MRAP2: variants seen among roughly 807,000 people sequenced by gnomAD.
MRAP2 encodes the protein melanocortin-2 receptor accessory protein 2.
In MRAP2, 20 loss-of-function variants were observed where a neutral mutation model predicts 17.4. The observed-to-expected ratio is 1.15, with a 90% CI of 0.81 to 1.67. The LOEUF (loss-of-function observed/expected upper bound fraction) is 1.67. MRAP2 is among the 40% of genes most tolerant of loss of function. MRAP2 has a pLI of 0.00. For synonymous variants in MRAP2, 96 were observed against 88.4 expected (o/e 1.09, Z -0.48); for missense variants, 238 against 240.0 (o/e 0.99, Z 0.05).
intron 1 of MRAP2, among the ~76,000 whole-genome samples, chr6:84,034,121 G>C (rs1464603367): frequency 6.6e-6 from 1 of 152,012 alleles, no homozygotes; most frequent in African/African-American, 2.4e-5. Flanking sequence ...GCTGATGTGC[G>C]TGTGGACGCC....
At chr6:84,065,914 C>T (rs1319888739) in intron 3 of MRAP2, among the ~76,000 whole-genome samples, 1 of 152,126 alleles carries the variant, frequency 6.6e-6, no homozygotes, top group Non-Finnish European at 1.5e-5. Flanking sequence ...TGGACTGTCT[C>T]CACCCTGCCA....
In MRAP2 at chr6:84,065,490, TG is replaced by T. The variant is rs2099494445; in HGVS notation, c.227+2501del. ...GCCCAGCGAATTTGAAAATATGGTGTGGGTTACAAGAGGGTTAAGAAAAGCC... is the reference window on the plus strand; with the variant it reads ...GCCCAGCGAATTTGAAAATATGGTGTGGTTACAAGAGGGTTAAGAAAAGCC... On this transcript the variant is annotated intron_variant, in intron 3 of 3. Transcript: ENST00000257776. 2.6e-5 allele frequency among the ~76,000 whole-genome samples: 4 copies of T among 152,138 alleles called. No individual in the cohort carries two copies. In the South Asian group the frequency reaches 8.3e-4, roughly 32 times the overall value.
chr6:84,112,592 G>A, the MRAP2 span, among the ~76,000 whole-genome samples: 8 of 151,936 alleles, frequency 5.3e-5, no homozygotes, highest in African/African-American at 1.9e-4. Flanking sequence ...GATTTTTTAT[G>A]TCTCTGTCTT....
chr6:84,052,049 A>G (rs967144400), intron 1 of MRAP2, among the ~76,000 whole-genome samples: 2 of 152,208 alleles, frequency 1.3e-5, no homozygotes, highest in Non-Finnish European at 2.9e-5. Flanking sequence ...TGATGCTTTC[A>G]GCTGTTCAAA....
chr6:84,042,311 G>T lies in MRAP2; in HGVS notation c.-8+8428G>T, dbSNP rs565820929. Among the ~76,000 whole-genome samples, 339 of 152,188 alleles carry T rather than the reference G, an allele frequency of 2.2e-3. 14 individuals are homozygous for T. The South Asian group carries it at 0.065, about 29-fold the overall frequency. ...TTCTTTATAAATTACCCAGTCTCAG[G>T]TATGTCTTTATTAGCAGTATGAGAA... On this transcript the variant is annotated intron_variant, in intron 1 of 3. Coordinates refer to ENST00000257776, the MANE Select transcript of MRAP2 (RefSeq NM_138409.4).
the MRAP2 span, among the ~76,000 whole-genome samples, chr6:84,127,080 T>C: frequency 6.6e-6 from 1 of 152,142 alleles, no homozygotes; most frequent in Admixed American, 6.6e-5. Context: ...TCTTAGGACC[T>C]GGGGATCCAG....
chr6:84,123,104 G>A, the MRAP2 span, among the ~76,000 whole-genome samples: 1 of 152,124 alleles, frequency 6.6e-6, no homozygotes, highest in South Asian at 2.1e-4. Context: ...TACATCCCAT[G>A]CTTATGAACT....
At chr6:84,043,429 A>G (rs1367542264) in intron 1 of MRAP2, among the ~76,000 whole-genome samples, 1 of 152,216 alleles carries the variant, frequency 6.6e-6, no homozygotes, top group African/African-American at 2.4e-5. Context: ...AGGAGGTAGT[A>G]TCTGATCCCT....
chr6:84,040,953 A>T (rs955065510), intron 1 of MRAP2, among the ~76,000 whole-genome samples: 1 of 152,232 alleles, frequency 6.6e-6, no homozygotes, highest in Admixed American at 6.5e-5. Context: ...TTGATTGCCA[A>T]GACAAAGGGG....
chr6:84,064,252 C>G (rs963013459), intron 3 of MRAP2, among the ~76,000 whole-genome samples: 1 of 151,158 alleles, frequency 6.6e-6, no homozygotes, highest in Non-Finnish European at 1.5e-5. Flanking sequence ...CTGAGGGACA[C>G]AGCTAATCCA....
At chr6:84,075,404 G>T (rs1208435351) in intron 3 of MRAP2, among the ~76,000 whole-genome samples, 1 of 152,176 alleles carries the variant, frequency 6.6e-6, no homozygotes, top group African/African-American at 2.4e-5. Flanking sequence ...GGCCTAAGAG[G>T]CAGCTTTGAT....
At chr6:84,035,689 C>T (rs2099485786) in intron 1 of MRAP2, among the ~76,000 whole-genome samples, 1 of 152,118 alleles carries the variant, frequency 6.6e-6, no homozygotes. Context: ...TAGCTGCCCC[C>T]TTTCAGCCTT....
chr6:84,037,572 C>T (rs2099486455), intron 1 of MRAP2, among the ~76,000 whole-genome samples: 2 of 151,902 alleles, frequency 1.3e-5, no homozygotes, highest in Non-Finnish European at 2.9e-5. Flanking sequence ...GAGCCCACCA[C>T]GGGGTGGGGG....
chr6:84,088,644 G>A (rs893729446), intron 3 of MRAP2, among the ~76,000 whole-genome samples: 7 of 152,170 alleles, frequency 4.6e-5, no homozygotes, highest in African/African-American at 1.7e-4. Context: ...TTTTAGGCCG[G>A]TGGTTCTAAA....
At chr6:84,117,634 G>C in the MRAP2 span, among the ~76,000 whole-genome samples, 15 of 148,948 alleles carry the variant, frequency 1.0e-4, no homozygotes, top group Non-Finnish European at 1.9e-4. Context: ...GCTGACCTTT[G>C]GATGTGGGGT....
the MRAP2 span, among the ~76,000 whole-genome samples, chr6:84,131,240 TC>T: frequency 6.6e-6 from 1 of 152,212 alleles, no homozygotes; most frequent in African/African-American, 2.4e-5. Context: ...TGATTTCCAT[TC>T]TTTTGCATTT....
chr6:84,036,434 G>C (rs2099486001), intron 1 of MRAP2, among the ~76,000 whole-genome samples: 1 of 152,146 alleles, frequency 6.6e-6, no homozygotes, highest in Non-Finnish European at 1.5e-5. Flanking sequence ...CTTGCGGTGA[G>C]TGTTAACAGT....
chr6:84,117,651 CTGTGTGTGTG>C, the MRAP2 span, among the ~76,000 whole-genome samples: 6 of 105,136 alleles, frequency 5.7e-5, no homozygotes, highest in Admixed American at 1.8e-4. Context: ...GGGTGTGTGT[CTGTGTGTGTG>C]TGTGTGTGTG....
chr6:84,137,250 C>A, the MRAP2 span, among the ~76,000 whole-genome samples: 2 of 152,202 alleles, frequency 1.3e-5, no homozygotes, highest in Non-Finnish European at 2.9e-5. Context: ...TGGCCTGTAT[C>A]CAGCATGCCA....
Sources: allele counts gnomAD v4.1 joint callset (sites outside exome capture counted in the v4.1 genomes callset), GRCh38; gene constraint gnomAD v4.1.1; transcripts MANE v1.5; gene names NCBI Gene and HGNC (gene_info 2026-07-23, HGNC 2026-07-21).